Variants in SEC24D observed in about 807,000 individuals in gnomAD.
The protein encoded by SEC24D is protein transport protein Sec24D.
SEC24D carries 69 observed loss-of-function variants against 116.9 expected under a neutral mutation model. The observed-to-expected ratio is 0.59, with a 90% confidence interval of 0.49 to 0.72. The LOEUF (loss-of-function observed/expected upper bound fraction) is 0.72. Among genes scored for constraint, SEC24D ranks in the 30% least tolerant of loss-of-function variants. The pLI, the probability that SEC24D is intolerant of heterozygous loss-of-function variation, is 0.00. For synonymous variants in SEC24D, 405 were observed against 442.8 expected, an observed-to-expected ratio of 0.91 and a Z score of 1.07; for missense variants, 1,131 against 1,264.1, an observed-to-expected ratio of 0.89 and a Z score of 1.60.
At chr4:118,811,494 T>C (rs1389603707) in intron 6 of SEC24D, among the ~76,000 whole-genome samples, 2 of 152,226 alleles carry the variant, frequency 1.3e-5, no homozygotes, top group Middle Eastern at 3.2e-3. Context: ...AATTAACATT[T>C]AAACAGGCAG....
chr4:118,783,582 A>G lies in SEC24D; in HGVS notation c.1041+14101T>C, dbSNP rs542969912. 4.6e-5 allele frequency among the ~76,000 whole-genome samples: 7 copies of G among 152,352 alleles called. No individual in the cohort carries two copies. In the East Asian group the frequency reaches 1.2e-3, roughly 25 times the overall value. On this transcript the variant is annotated intron_variant, in intron 8 of 22. Coordinates refer to ENST00000280551, the MANE Select transcript of SEC24D (RefSeq NM_014822.4). ...TAAATTCTTTTTGAAATAAGGTGAC[A>G]TAAAGTTTTTCATAAAATGGTCATA...
intron 21 of SEC24D, 111 bp from the exon 22 acceptor site, chr4:118,728,761 G>C (rs1725535401): frequency 1.6e-6 from 1 of 619,226 alleles, no homozygotes. Flanking sequence ...TTGAACATTG[G>C]TGTAGTTCAT....
chr4:118,755,872 G>A (rs1003830067), intron 11 of SEC24D, among the ~76,000 whole-genome samples: 1 of 152,156 alleles, frequency 6.6e-6, no homozygotes, highest in Non-Finnish European at 1.5e-5. Flanking sequence ...AAGAGAGATC[G>A]GAATAGTGGC....
At position 118,732,768 on chromosome 4, in the gene SEC24D, A is replaced by C; in HGVS notation, c.2641T>G (p.Ser881Ala). ...AGTTGTGGGTAGAAGAAAAGCTGAG[A>C]GTCAGCCACACCCATGGTCATGACC... ...QLVMTMGVAD[S>A]QLFFYPQLLP... Residue 881 changes from serine to alanine, a missense_variant, in exon 20 of 23, where the codon TCT becomes GCT. By Grantham distance (99) the Ser-to-Ala change is moderately conservative. Coordinates refer to ENST00000280551, the MANE Select transcript of SEC24D (RefSeq NM_014822.4). The C allele has an allele frequency of 6.2e-7, 1 of 1,614,110 alleles. No homozygotes were observed. Among genetic ancestry groups the C allele is most frequent in the Non-Finnish European group, 8.5e-7 (1 of 1,179,980 alleles).
At chr4:118,803,617 G>A (rs969839489) in intron 7 of SEC24D, among the ~76,000 whole-genome samples, 3 of 152,042 alleles carry the variant, frequency 2.0e-5, no homozygotes, top group African/African-American at 7.2e-5. Flanking sequence ...TTGCCAGATT[G>A]TTCACTCATT....
At chr4:118,768,377 G>A (rs1167057854) in intron 8 of SEC24D, 66 bp from the exon 9 acceptor site, 3 of 1,333,656 alleles carry the variant, frequency 2.2e-6, no homozygotes, top group East Asian at 2.4e-5. Flanking sequence ...TATAATTTGG[G>A]AAGTCTTTTA....
intron 22 of SEC24D, among the ~76,000 whole-genome samples, chr4:118,724,032 T>A (rs1725283515): frequency 6.6e-6 from 1 of 152,214 alleles, no homozygotes; most frequent in Non-Finnish European, 1.5e-5. Context: ...ATCACAGGCT[T>A]CTTCTAAAAG....
chr4:118,825,536 G>C (rs1399351608), intron 2 of SEC24D: 3 of 455,906 alleles, frequency 6.6e-6, no homozygotes, highest in Non-Finnish European at 1.3e-5. Context: ...GCTTGGGTTA[G>C]AGTAGTTCAA....
At position 118,752,075 on chromosome 4, in the gene SEC24D, A is replaced by C; in HGVS notation, c.1628T>G (p.Ile543Ser). Reference sequence around the variant, plus strand: ...ATTAGAGTCTGCAAACATGTCTGGAATCTGGTCCAACAAACTATAAGACAT... The same window carrying C: ...ATTAGAGTCTGCAAACATGTCTGGACTCTGGTCCAACAAACTATAAGACAT... ...QSVIHNLLDQ[I>S]PDMFADSNEN... The change falls in exon 13 of 23, where the codon ATT becomes AGT. Residue 543 changes from isoleucine to serine, a missense_variant. By Grantham distance (142) the Ile-to-Ser change is moderately radical (BLOSUM62 -2). Transcript: ENST00000280551. The C allele has an allele frequency of 1.9e-6, 3 of 1,610,306 alleles. No homozygotes were observed. The highest frequency in any genetic ancestry group is 2.5e-6 in the Non-Finnish European group (3 of 1,177,222).
intron 6 of SEC24D, among the ~76,000 whole-genome samples, chr4:118,809,194 G>T (rs991136994): frequency 6.6e-6 from 1 of 151,860 alleles, no homozygotes; most frequent in African/African-American, 2.4e-5. Flanking sequence ...GGATGGTCTC[G>T]ATCTCCTGAC....
chr4:118,736,835 T>C (rs985335034), intron 19 of SEC24D, among the ~76,000 whole-genome samples: 10 of 152,388 alleles, frequency 6.6e-5, no homozygotes, highest in African/African-American at 2.2e-4. Flanking sequence ...ATAATCATAA[T>C]GTTTTAACTC....
chr4:118,810,362 T>G (rs768278266), intron 6 of SEC24D, among the ~76,000 whole-genome samples: 6 of 151,894 alleles, frequency 4.0e-5, no homozygotes, highest in Admixed American at 3.9e-4. Flanking sequence ...TGGAACAGGA[T>G]GAATAGACAA....
intron 14 of SEC24D, 86 bp from the exon 15 acceptor site, chr4:118,744,244 T>C (rs1726384739): frequency 7.9e-7 from 1 of 1,269,436 alleles, no homozygotes; most frequent in South Asian, 1.7e-5. Flanking sequence ...GAATTCTTAT[T>C]GAATTTTCAA....
intron 8 of SEC24D, among the ~76,000 whole-genome samples, chr4:118,777,225 C>G (rs905883816): frequency 3.3e-5 from 5 of 152,116 alleles, no homozygotes; most frequent in African/African-American, 1.2e-4. Context: ...ATTAACTCAT[C>G]ATTTACACTA....
At chr4:118,730,801 A>G (rs1159751989) in intron 21 of SEC24D, 1 of 153,340 alleles carries the variant, frequency 6.5e-6, no homozygotes, top group Non-Finnish European at 1.5e-5. Context: ...TTATTTGTTA[A>G]CTCAGTAATC....
intron 7 of SEC24D, among the ~76,000 whole-genome samples, chr4:118,801,582 GAACT>G (rs1379723318): frequency 6.6e-6 from 1 of 152,074 alleles, no homozygotes; most frequent in African/African-American, 2.4e-5. Flanking sequence ...TACAGACCAT[GAACT>G]AAGAATTTTA....
chr4:118,797,897 A>T lies in SEC24D; in HGVS notation c.914-87T>A, dbSNP rs1436414226. 2.9e-6 allele frequency: 3 copies of T among 1,035,248 alleles called. No individual in the cohort carries two copies. The African/African-American group carries it at 4.8e-5, about 17-fold the overall frequency. The allele number at this position is 1,035,248 out of a possible 1,614,324, so 64.1% of individuals were successfully genotyped here. ...CAAATATTTATAAAGGTACTTCTAG[A>T]TAATGCATTGCATTATTTCTTATTT... is the stretch of plus-strand genomic sequence containing the variant. On this transcript the variant is annotated intron_variant, in intron 7 of 22. Transcript: ENST00000280551.
intron 6 of SEC24D, 98 bp downstream of exon 6, chr4:118,814,930 T>C (rs1730073020): frequency 7.5e-7 from 1 of 1,329,004 alleles, no homozygotes; most frequent in Non-Finnish European, 1.0e-6. Flanking sequence ...CTAACTTCTA[T>C]GCTAATGAAC....
intron 8 of SEC24D, among the ~76,000 whole-genome samples, chr4:118,787,482 A>G (rs1728702950): frequency 6.6e-6 from 1 of 152,186 alleles, no homozygotes; most frequent in South Asian, 2.1e-4. Flanking sequence ...TATACATGAA[A>G]ATGCATAGTC....
Sources: allele counts gnomAD v4.1 joint callset (sites outside exome capture counted in the v4.1 genomes callset), GRCh38; gene constraint gnomAD v4.1.1; transcripts MANE v1.5; gene names NCBI Gene and HGNC (gene_info 2026-07-23, HGNC 2026-07-21).